Variants in GTF2F2 observed in about 807,000 individuals in gnomAD.
GTF2F2 encodes general transcription factor IIF subunit 2.
In GTF2F2, 23 loss-of-function variants were observed where a neutral mutation model predicts 42.2. The ratio of observed to expected loss-of-function variants is 0.55; its 90% CI spans 0.39 to 0.77. The LOEUF is 0.77. GTF2F2 is among the 30% of genes least tolerant of loss of function. The pLI is 0.00. For missense variants in GTF2F2, 261 were observed against 287.2 expected (o/e 0.91, Z 0.66); for synonymous variants, 105 against 100.8 (o/e 1.04, Z -0.25).
chr13:45,272,441 CA>C (rs1307383194), intron 7 of GTF2F2, among the ~76,000 whole-genome samples: 128 of 91,154 alleles, frequency 1.4e-3, no homozygotes, highest in Middle Eastern at 5.6e-3. Flanking sequence ...AAAAAAAAAA[CA>C]AAAAAAAAAA....
At chr13:45,194,092 CAGA>C in intron 4 of GTF2F2, 2 of 1,614,088 alleles carry the variant, frequency 1.2e-6, no homozygotes, top group Non-Finnish European at 1.7e-6. Context: ...AGGAGCATTA[CAGA>C]AGATTCTTAA....
intron 5 of GTF2F2, among the ~76,000 whole-genome samples, chr13:45,241,021 C>CATGCATCT (rs1177479228): frequency 6.0e-5 from 9 of 149,578 alleles, no homozygotes. Context: ...GGTGTGGTGG[C>CATGCATCT]ATGCATCTTT....
chr13:45,166,224 A>C (rs900365764), intron 4 of GTF2F2, among the ~76,000 whole-genome samples: 1 of 152,172 alleles, frequency 6.6e-6, no homozygotes, highest in Non-Finnish European at 1.5e-5. Context: ...AGATCTAGTC[A>C]CTGGGAACTA....
At chr13:45,167,125 G>T in intron 4 of GTF2F2, among the ~76,000 whole-genome samples, 2 of 147,816 alleles carry the variant, frequency 1.4e-5, no homozygotes, top group African/African-American at 2.5e-5. Flanking sequence ...CTTCGTGTAT[G>T]TGTATCAGCC....
intron 2 of GTF2F2, among the ~76,000 whole-genome samples, chr13:45,145,006 T>C (rs1292249331): frequency 3.9e-5 from 6 of 152,202 alleles, no homozygotes; most frequent in Admixed American, 3.9e-4. Context: ...GCCAGTTAGC[T>C]CACAGCTCAA....
chr13:45,144,318 CA>C (rs1252164936), intron 2 of GTF2F2, among the ~76,000 whole-genome samples: 1 of 152,126 alleles, frequency 6.6e-6, no homozygotes, highest in Non-Finnish European at 1.5e-5. Context: ...CTTCTTTGTA[CA>C]TCACCATCCT....
intron 4 of GTF2F2, among the ~76,000 whole-genome samples, chr13:45,177,030 TC>T (rs1773095451): frequency 1.3e-5 from 2 of 152,146 alleles, no homozygotes; most frequent in Admixed American, 1.3e-4. Flanking sequence ...CCTCAAGTGA[TC>T]CACCCACCTC....
chr13:45,281,431 T>C (rs1366018492), intron 7 of GTF2F2, among the ~76,000 whole-genome samples: 1 of 152,264 alleles, frequency 6.6e-6, no homozygotes, highest in African/African-American at 2.4e-5. Flanking sequence ...CATTAGATTA[T>C]GTTGGTAACA....
chr13:45,271,115 A>AC, intron 7 of GTF2F2, among the ~76,000 whole-genome samples: 1 of 151,990 alleles, frequency 6.6e-6, no homozygotes, highest in Non-Finnish European at 1.5e-5. Flanking sequence ...ACACGGTGAA[A>AC]CCCCATCTCT....
At chr13:45,219,596 A>G (rs796450598) in intron 5 of GTF2F2, 5 of 152,334 alleles carry the variant, frequency 3.3e-5, no homozygotes, top group African/African-American at 1.2e-4. Context: ...TTGAATTTCA[A>G]AGCTCCATAT....
intron 2 of GTF2F2, among the ~76,000 whole-genome samples, chr13:45,137,471 C>G (rs1274229219): frequency 6.6e-6 from 1 of 152,180 alleles, no homozygotes; most frequent in Admixed American, 6.5e-5. Context: ...CAAACCATCC[C>G]AAAACTTAGT....
intron 5 of GTF2F2, among the ~76,000 whole-genome samples, chr13:45,238,625 A>G (rs1158207667): frequency 1.3e-5 from 2 of 150,274 alleles, no homozygotes; most frequent in African/African-American, 2.5e-5. Flanking sequence ...GTAGCATGAC[A>G]CATCATGCCT....
intron 2 of GTF2F2, among the ~76,000 whole-genome samples, chr13:45,142,281 C>T (rs1869964055): frequency 6.6e-6 from 1 of 150,966 alleles, no homozygotes; most frequent in Admixed American, 6.6e-5. Flanking sequence ...ATTCTCGTGC[C>T]TCAGCCTCCT....
intron 4 of GTF2F2, chr13:45,194,842 G>C (rs1326356523): frequency 2.3e-6 from 1 of 425,702 alleles, no homozygotes. Flanking sequence ...ATCCTTTGAA[G>C]TAATAAGAGT....
At chr13:45,275,752 G>T (rs1287172537) in intron 7 of GTF2F2, among the ~76,000 whole-genome samples, 1 of 152,028 alleles carries the variant, frequency 6.6e-6, no homozygotes, top group Non-Finnish European at 1.5e-5. Flanking sequence ...GAATAGTGCT[G>T]CAGTAAACAT....
intron 5 of GTF2F2, among the ~76,000 whole-genome samples, chr13:45,217,659 A>T (rs1424044928): frequency 1.3e-5 from 2 of 152,222 alleles, no homozygotes; most frequent in Non-Finnish European, 2.9e-5. Flanking sequence ...AATTCAAATT[A>T]TAAGTCCTGA....
At chr13:45,202,238 T>G (rs1412867389) in intron 4 of GTF2F2, among the ~76,000 whole-genome samples, 1 of 151,896 alleles carries the variant, frequency 6.6e-6, no homozygotes, top group Admixed American at 6.6e-5. Flanking sequence ...AATACAAAAA[T>G]TAGCCTGGCG....
chr13:45,160,224 A>AT (rs1437457322), intron 4 of GTF2F2, among the ~76,000 whole-genome samples: 2 of 152,220 alleles, frequency 1.3e-5, no homozygotes, highest in Non-Finnish European at 2.9e-5. Flanking sequence ...GACAAGCTGG[A>AT]TTTTCATCTC....
chr13:45,225,975 A>C (rs1874332244), intron 5 of GTF2F2, among the ~76,000 whole-genome samples: 1 of 152,164 alleles, frequency 6.6e-6, no homozygotes, highest in African/African-American at 2.4e-5. Context: ...AAGAATTGGC[A>C]GATTCTGTTG....
Sources: allele counts gnomAD v4.1 joint callset (sites outside exome capture counted in the v4.1 genomes callset), GRCh38; gene constraint gnomAD v4.1.1; transcripts MANE v1.5; gene names NCBI Gene and HGNC (gene_info 2026-07-23, HGNC 2026-07-21).